The following GRIP1 variants were observed in gnomAD, a reference collection of about 807,000 sequenced individuals.
GRIP1 encodes the protein glutamate receptor interacting protein 1.
Under a neutral mutation model 129.9 loss-of-function variants are expected in GRIP1, and 45 were observed. That is an observed-to-expected ratio of 0.35 (90% confidence interval 0.27 to 0.44). The LOEUF is 0.44. Ranked by LOEUF, GRIP1 falls within the 20% of genes least tolerant of loss-of-function variation. The pLI, the probability that GRIP1 is intolerant of heterozygous loss-of-function variation, is 1.00. For synonymous variants in GRIP1, 530 were observed against 520.8 expected (o/e 1.02, Z -0.24); for missense variants, 1,196 against 1,396.8 (o/e 0.86, Z 2.29).
intron 15 of GRIP1, 81 bp from the exon 16 acceptor site, chr12:66,406,509 G>T: frequency 3.1e-6 from 4 of 1,298,134 alleles, no homozygotes; most frequent in Non-Finnish European, 3.4e-6. Context: ...GCATAATGCA[G>T]CATTATGGTA....
At chr12:66,450,915 T>A (rs1199395973) in intron 11 of GRIP1, among the ~76,000 whole-genome samples, 1 of 152,230 alleles carries the variant, frequency 6.6e-6, no homozygotes, top group African/African-American at 2.4e-5. Context: ...ACCAGCAAAG[T>A]AAATGAAGGT....
intron 1 of GRIP1, among the ~76,000 whole-genome samples, chr12:66,824,883 T>TAC (rs1432051004): frequency 6.6e-6 from 1 of 152,200 alleles, no homozygotes. Flanking sequence ...TAACATCCTT[T>TAC]ACTTCATGTT....
At chr12:66,427,104 G>C (rs138841640) in intron 14 of GRIP1, among the ~76,000 whole-genome samples, 1 of 152,208 alleles carries the variant, frequency 6.6e-6, no homozygotes, top group East Asian at 1.9e-4. Context: ...TGTACTTCCC[G>C]AAGTTTCTGG....
At chr12:66,849,581 A>G (rs904885176) in intron 1 of GRIP1, among the ~76,000 whole-genome samples, 4 of 152,068 alleles carry the variant, frequency 2.6e-5, no homozygotes, top group Non-Finnish European at 4.4e-5. Context: ...GTGCCACTAC[A>G]CTGCAGCCTA....
At chr12:66,383,773 G>A (rs1420926234) in intron 19 of GRIP1, among the ~76,000 whole-genome samples, 1 of 152,158 alleles carries the variant, frequency 6.6e-6, no homozygotes, top group Non-Finnish European at 1.5e-5. Flanking sequence ...ACCAGTTTCG[G>A]GGTGAGCAAA....
At chr12:67,032,552 C>T (rs944100272) in intron 1 of GRIP1, among the ~76,000 whole-genome samples, 7 of 152,190 alleles carry the variant, frequency 4.6e-5, no homozygotes, top group African/African-American at 1.7e-4. Context: ...AACCTCAGCA[C>T]TACTGACATT....
At chr12:66,700,827 G>C (rs1474946767) in intron 1 of GRIP1, among the ~76,000 whole-genome samples, 1 of 152,082 alleles carries the variant, frequency 6.6e-6, no homozygotes, top group African/African-American at 2.4e-5. Context: ...ACAGAACTTA[G>C]GAAATGCTTT....
chr12:67,014,571 T>C (rs1025463684), intron 1 of GRIP1, among the ~76,000 whole-genome samples: 1 of 152,120 alleles, frequency 6.6e-6, no homozygotes, highest in Admixed American at 6.6e-5. Context: ...TCCCAAAAAG[T>C]TCTAAAGATT....
intron 1 of GRIP1, among the ~76,000 whole-genome samples, chr12:66,819,820 C>A (rs374804325): frequency 1.1e-4 from 16 of 151,756 alleles, no homozygotes; most frequent in African/African-American, 3.7e-4. Context: ...CAAACCACTG[C>A]CCACAAAATT....
intron 24 of GRIP1, among the ~76,000 whole-genome samples, chr12:66,351,092 T>C (rs948069792): frequency 2.6e-5 from 4 of 152,196 alleles, no homozygotes; most frequent in Non-Finnish European, 2.9e-5. Context: ...GTCCCCAAAC[T>C]CCTAGGATAA....
At chr12:66,761,860 T>C (rs948975426) in intron 1 of GRIP1, among the ~76,000 whole-genome samples, 16 of 152,072 alleles carry the variant, frequency 1.1e-4, no homozygotes, top group African/African-American at 3.9e-4. Context: ...AAGCAACAAA[T>C]GTGGTGCAGC....
chr12:66,957,824 C>T (rs1428522056), intron 1 of GRIP1, among the ~76,000 whole-genome samples: 1 of 152,138 alleles, frequency 6.6e-6, no homozygotes, highest in Non-Finnish European at 1.5e-5. Flanking sequence ...TCTTTCCATA[C>T]TCTACTCTTT....
At chr12:66,750,497 T>C (rs1311439414) in intron 1 of GRIP1, among the ~76,000 whole-genome samples, 1 of 152,200 alleles carries the variant, frequency 6.6e-6, no homozygotes, top group African/African-American at 2.4e-5. Flanking sequence ...CCCTGGCTAC[T>C]TTAGTCTACC....
At chr12:66,514,502 T>C (rs2060788877) in intron 7 of GRIP1, among the ~76,000 whole-genome samples, 1 of 150,362 alleles carries the variant, frequency 6.7e-6, no homozygotes, top group Non-Finnish European at 1.5e-5. Flanking sequence ...CAACATCTAA[T>C]TAAAATAAAA....
chr12:66,677,757 T>G (rs946952998), intron 1 of GRIP1, among the ~76,000 whole-genome samples: 4 of 152,210 alleles, frequency 2.6e-5, no homozygotes, highest in Non-Finnish European at 4.4e-5. Context: ...CATGATTTGC[T>G]TTGTGCTCAT....
intron 1 of GRIP1, among the ~76,000 whole-genome samples, chr12:66,689,950 G>A (rs185499289): frequency 1.3e-5 from 2 of 151,752 alleles, no homozygotes; most frequent in South Asian, 2.1e-4. Flanking sequence ...ACAGGGCCTC[G>A]CTTTCTTGCC....
chr12:66,960,362 C>T (rs1478614183), intron 1 of GRIP1, among the ~76,000 whole-genome samples: 1 of 152,084 alleles, frequency 6.6e-6, no homozygotes, highest in Non-Finnish European at 1.5e-5. Flanking sequence ...AAACCAACAG[C>T]ACTTAGCAAT....
chr12:66,570,990 T>A (rs918452755), intron 2 of GRIP1: 1 of 152,202 alleles, frequency 6.6e-6, no homozygotes, highest in Non-Finnish European at 1.5e-5. Context: ...CAAATCCTTT[T>A]GTGAGGACTT....
chr12:66,979,248 A>AAAAC (rs2042206584), intron 1 of GRIP1, among the ~76,000 whole-genome samples: 1 of 147,702 alleles, frequency 6.8e-6, no homozygotes, highest in Non-Finnish European at 1.5e-5. Flanking sequence ...AAAAAAAAAA[A>AAAAC]AAAAAACAAG....
Sources: allele counts gnomAD v4.1 joint callset (sites outside exome capture counted in the v4.1 genomes callset), GRCh38; gene constraint gnomAD v4.1.1; transcripts MANE v1.5; gene names NCBI Gene and HGNC (gene_info 2026-07-23, HGNC 2026-07-21).